The following HS3ST1 variants were observed in gnomAD, a reference collection of about 807,000 sequenced individuals.
The protein encoded by HS3ST1 is heparan sulfate-glucosamine 3-sulfotransferase 1, also known as heparan sulfate glucosamine 3-O-sulfotransferase 1.
In HS3ST1, 8 loss-of-function variants were observed where a neutral mutation model predicts 20.7. That is an observed-to-expected ratio of 0.39 (90% CI 0.23 to 0.70). The LOEUF (loss-of-function observed/expected upper bound fraction) is 0.70. Among genes scored for constraint, HS3ST1 ranks in the 30% least tolerant of loss-of-function variants. HS3ST1 has a pLI of 0.46. For synonymous variants in HS3ST1, 205 were observed against 190.4 expected (o/e 1.08, Z -0.63); for missense variants, 436 against 423.4 (o/e 1.03, Z -0.26).
intron 1 of HS3ST1, among the ~76,000 whole-genome samples, chr4:11,412,329 T>C (rs1019259359): frequency 6.6e-6 from 1 of 152,148 alleles, no homozygotes; most frequent in African/African-American, 2.4e-5. Flanking sequence ...AATTCTAAGA[T>C]AGTATAAGAT....
At chr4:11,433,408 T>G (rs1719241310), upstream of HS3ST1, among the ~76,000 whole-genome samples, 1 of 152,210 alleles carries the variant, frequency 6.6e-6, no homozygotes. Flanking sequence ...GAATATTGCT[T>G]TTATTTGTTA....
intron 1 of HS3ST1, among the ~76,000 whole-genome samples, chr4:11,401,093 T>C (rs1408554169): frequency 6.6e-6 from 1 of 152,226 alleles, no homozygotes; most frequent in Non-Finnish European, 1.5e-5. Context: ...ATATATGTTA[T>C]GATTGTAATT....
chr4:11,401,439 G>A (rs1319837746), intron 1 of HS3ST1, among the ~76,000 whole-genome samples: 1 of 150,918 alleles, frequency 6.6e-6, no homozygotes, highest in South Asian at 2.1e-4. Context: ...CCGCCTCCCC[G>A]GTTCAAGTGA....
At position 11,397,108 on chromosome 4, in the gene HS3ST1, A is replaced by C. The variant is rs1297189516; in HGVS notation, c.*1974T>G. ...CCTTGCTGGGCCCTCTTATTTCTTC[A>C]GCTCTTCAAGGAGTATGGTAAAAGC... On this transcript the variant is annotated 3_prime_UTR_variant, in exon 2 of 2. Transcript: ENST00000002596. 1 of 152,216 alleles carries C rather than the reference A, an allele frequency of 6.6e-6. No individual in the cohort carries two copies. The highest frequency in any genetic ancestry group is 1.5e-5 in the Non-Finnish European group (1 of 68,096). 9.4% of individuals were successfully genotyped at this position (152,216 alleles called of 1,614,324 possible).
At chr4:11,420,057 C>T (rs1489860626) in intron 1 of HS3ST1, among the ~76,000 whole-genome samples, 2 of 152,246 alleles carry the variant, frequency 1.3e-5, no homozygotes, top group South Asian at 2.1e-4. Context: ...AGCCTTCACA[C>T]TAATCATACT....
At position 11,394,534 on chromosome 4, in the gene HS3ST1, C is replaced by T. The variant is rs1013274; in HGVS notation, c.*4548G>A. 0.078 allele frequency: 11,897 copies of T among 152,248 alleles called. 603 individuals carry two copies. Among genetic ancestry groups the T allele is most frequent in the Middle Eastern group, 0.14 (40 of 294 alleles). The allele number at this position is 152,248 out of a possible 1,614,324, so 9.4% of individuals were successfully genotyped here. On this transcript the variant is annotated 3_prime_UTR_variant, in exon 2 of 2. Transcript: ENST00000002596. ...GAAATGAGCTGCTGCCGGTTAGGAG[C>T]ATGTTTTATCACGTCCCTGTTGCAT...
Position 11,399,684 on chromosome 4 carries a change from G to C in HS3ST1, c.322C>G (p.Pro108Ala). ...HGLGWYLSQMPFSWPHQLTVE... is the reference protein window; with the variant it reads ...HGLGWYLSQMAFSWPHQLTVE... ...GTGAGCTGGTGTGGCCAGGAGAAGG[G>C]CATCTGGCTGAGGTACCAGCCCAAG... The change falls in exon 2 of 2, where the codon CCC becomes GCC. Residue 108 changes from proline (P) to alanine (A), a missense_variant. Pro to Ala is a conservative substitution (Grantham distance 27, BLOSUM62 -1). Coordinates refer to ENST00000002596, the MANE Select transcript of HS3ST1 (RefSeq NM_005114.4). The surrounding 1 kb of genome is among the most constrained non-coding windows in gnomAD (Gnocchi z 5.1). 1 of 1,613,868 alleles carries C rather than the reference G, an allele frequency of 6.2e-7. No homozygotes were observed. Among genetic ancestry groups the C allele is most frequent in the Non-Finnish European group, 8.5e-7 (1 of 1,180,012 alleles).
Position 11,399,633 on chromosome 4 carries a change from T to C in HS3ST1, c.373A>G (p.Thr125Ala), listed in dbSNP as rs758403883. The C allele has an allele frequency of 1.2e-6, 2 of 1,613,840 alleles. No individual in the cohort carries two copies. Among genetic ancestry groups the C allele is most frequent in the Non-Finnish European group, 1.7e-6 (2 of 1,180,024 alleles). The change falls in exon 2 of 2, where the codon ACG (threonine) becomes GCG (alanine). Residue 125 changes from threonine to alanine, a missense_variant. By Grantham distance (58) the Thr-to-Ala change is moderately conservative. Coordinates refer to ENST00000002596, the MANE Select transcript of HS3ST1 (RefSeq NM_005114.4). The surrounding 1 kb of genome is among the most constrained non-coding windows in gnomAD (Gnocchi z 5.1). Reference sequence around the variant, plus strand: ...ACTCGCTCAGGCACTTTGGGCGACGTGAAATACGCGGGGGTCTTCTCCACT... The same window carrying C: ...ACTCGCTCAGGCACTTTGGGCGACGCGAAATACGCGGGGGTCTTCTCCACT... The part of the protein sequence containing the change: ...LTVEKTPAYF[T>A]SPKVPERVYS...
rs565345664 is a variant in HS3ST1 at position 11,408,447 on chromosome 4, C to A, written c.-108-8334G>T. 2.0e-5 allele frequency among the ~76,000 whole-genome samples: 3 copies of A among 152,282 alleles called. No individual in the cohort carries two copies. In the South Asian group the frequency reaches 6.2e-4, roughly 32 times the overall value. ...CTGCAGTGACTCAACCAGACAGAAGCTCAAAGAAGAAAGGACAGTGACACA... is the reference window on the plus strand; with the variant it reads ...CTGCAGTGACTCAACCAGACAGAAGATCAAAGAAGAAAGGACAGTGACACA... On this transcript the variant is annotated intron_variant, in intron 1 of 1. Transcript: ENST00000002596.
chr4:11,396,409 C>G lies in HS3ST1; in HGVS notation c.*2673G>C, dbSNP rs1035053550. The G allele has an allele frequency of 6.6e-5, 10 of 152,338 alleles. No individual in the cohort carries two copies. Among genetic ancestry groups the G allele is most frequent in the African/African-American group, 2.4e-4 (10 of 41,448 alleles). 9.4% of individuals were successfully genotyped at this position (152,338 alleles called of 1,614,324 possible). A position where few individuals can be genotyped will look rare whatever the true frequency, so the allele number is the denominator to read the frequency against. ...CCTCTCTGGAAGGACCCACCTAGAT[C>G]CCCCAGGCTGCTCCCGGGCCGGGGT... On this transcript the variant is annotated 3_prime_UTR_variant, in exon 2 of 2. Transcript: ENST00000002596.
At chr4:11,411,955 G>A (rs17488722) in intron 1 of HS3ST1, among the ~76,000 whole-genome samples, 22,019 of 152,076 alleles carry the variant, frequency 0.14, 1,664 homozygotes, top group South Asian at 0.21. Flanking sequence ...TATGGGGATG[G>A]TAACAGCACC....
chr4:11,420,240 A>G (rs945425902), intron 1 of HS3ST1, among the ~76,000 whole-genome samples: 1 of 152,216 alleles, frequency 6.6e-6, no homozygotes, highest in African/African-American at 2.4e-5. Flanking sequence ...GACCACACGC[A>G]ACAAAACTGT....
upstream of HS3ST1, chr4:11,429,284 C>A (rs1311731997): frequency 6.6e-6 from 1 of 152,438 alleles, no homozygotes; most frequent in Admixed American, 6.5e-5. Flanking sequence ...CGGGACGTCC[C>A]GTCTACTCCC....
intron 1 of HS3ST1, among the ~76,000 whole-genome samples, chr4:11,423,738 C>T (rs1409032918): frequency 6.6e-6 from 1 of 152,140 alleles, no homozygotes; most frequent in Non-Finnish European, 1.5e-5. Context: ...GAAGGAACAT[C>T]CCGAACAGAG....
At position 11,399,787 on chromosome 4, in the gene HS3ST1, C is replaced by A. The variant is rs754019609; in HGVS notation, c.219G>T (p.Met73Ile). The A allele has an allele frequency of 6.2e-7, 1 of 1,613,516 alleles. No individual in the cohort carries two copies. The highest frequency in any genetic ancestry group is 8.5e-7 in the Non-Finnish European group (1 of 1,179,958). Residue 73 changes from methionine to isoleucine, a missense_variant, in exon 2 of 2, where the codon ATG becomes ATT. Physicochemically the swap from Met to Ile is conservative, Grantham distance 10. Transcript: ENST00000002596. The surrounding 1 kb of genome is among the most constrained non-coding windows in gnomAD (Gnocchi z 5.1). ...RKGGTRALLE[M>I]LSLHPDVAAA... Reference sequence around the variant, plus strand: ...CCGCCACGTCGGGGTGCAGGCTGAGCATCTCCAGCAGTGCGCGCGTGCCGC... The same window carrying A: ...CCGCCACGTCGGGGTGCAGGCTGAGAATCTCCAGCAGTGCGCGCGTGCCGC...
rs1477442294 is a variant in HS3ST1 at position 11,395,185 on chromosome 4, G to A, written c.*3897C>T. 2 of 152,070 alleles carry A rather than the reference G, an allele frequency of 1.3e-5. No individual in the cohort carries two copies. The highest frequency in any genetic ancestry group is 2.9e-5 in the Non-Finnish European group (2 of 68,038). The allele number at this position is 152,070 out of a possible 1,614,324, so 9.4% of individuals were successfully genotyped here. A position where few individuals can be genotyped will look rare whatever the true frequency, so the allele number is the denominator to read the frequency against. ...CCATTCGTGCGTGCCCCAGCTTTATGGCAATTCCTCCATGAAGCCTTCCCA... is the reference window on the plus strand; with the variant it reads ...CCATTCGTGCGTGCCCCAGCTTTATAGCAATTCCTCCATGAAGCCTTCCCA... On this transcript the variant is annotated 3_prime_UTR_variant, in exon 2 of 2. Coordinates refer to ENST00000002596, the MANE Select transcript of HS3ST1 (RefSeq NM_005114.4).
intron 1 of HS3ST1, 122 bp from the exon 2 acceptor site, chr4:11,400,235 C>T: frequency 1.2e-6 from 1 of 806,364 alleles, no homozygotes; most frequent in Non-Finnish European, 1.8e-6. Context: ...AGTTTCTTAT[C>T]CTATACAGGA....
chr4:11,426,456 G>GA (rs907503382), intron 1 of HS3ST1, among the ~76,000 whole-genome samples: 1 of 151,962 alleles, frequency 6.6e-6, no homozygotes, highest in Non-Finnish European at 1.5e-5. Context: ...GGGACCCAGG[G>GA]GGGGGGCTTG....
In HS3ST1 at chr4:11,397,926, G is replaced by A. The variant is rs1718182795; in HGVS notation, c.*1156C>T. ...TGCATGAAAAAACTGAGGATAAGAA[G>A]GGTTTATGTGACCATCTCCAACAAG... On this transcript the variant is annotated 3_prime_UTR_variant, in exon 2 of 2. Coordinates refer to ENST00000002596, the MANE Select transcript of HS3ST1 (RefSeq NM_005114.4). The A allele has an allele frequency of 6.6e-6, 1 of 152,272 alleles. No homozygotes were observed. The highest frequency in any genetic ancestry group is 2.1e-4 in the South Asian group (1 of 4,818). The allele number at this position is 152,272 out of a possible 1,614,324, so 9.4% of individuals were successfully genotyped here. A position where few individuals can be genotyped will look rare whatever the true frequency, so the allele number is the denominator to read the frequency against.
Sources: allele counts gnomAD v4.1 joint callset (sites outside exome capture counted in the v4.1 genomes callset), GRCh38; gene constraint gnomAD v4.1.1; non-coding constraint Gnocchi (gnomAD v3.1); transcripts MANE v1.5; gene names NCBI Gene and HGNC (gene_info 2026-07-23, HGNC 2026-07-21).